Variants in MAPK10 observed in about 807,000 individuals in gnomAD.
MAPK10 encodes the protein JNK3 alpha protein kinase.
MAPK10 carries 25 observed loss-of-function variants against 59.3 expected under a neutral mutation model. The ratio of observed to expected loss-of-function variants is 0.42; its 90% CI spans 0.31 to 0.59. The LOEUF is 0.59. Among genes scored for constraint, MAPK10 ranks in the 20% least tolerant of loss-of-function variants. The pLI, the probability that MAPK10 is intolerant of heterozygous loss-of-function variation, is 0.15. For synonymous variants in MAPK10, 190 were observed against 200.5 expected (o/e 0.95, Z 0.44); for missense variants, 351 against 568.9 (o/e 0.62, Z 3.90).
chr4:86,257,831 C>G lies in MAPK10; in HGVS notation c.-6-63424G>C, dbSNP rs143796616. Among the ~76,000 whole-genome samples the G allele has an allele frequency of 8.6e-3, 1,315 of 152,248 alleles. 12 individuals carry two copies. Among genetic ancestry groups the G allele is most frequent in the Non-Finnish European group, 0.011 (749 of 68,018 alleles). On this transcript the variant is annotated intron_variant, in intron 2 of 13. Coordinates refer to ENST00000641462, the MANE Select transcript of MAPK10 (RefSeq NM_138982.4). ...ATCTCTCCATTTGTTCCCAATTCAT[C>G]AGTCCATTCCTATTTATTCTCTTTT...
At chr4:86,258,870 GTC>G (rs2093870215) in intron 2 of MAPK10, among the ~76,000 whole-genome samples, 1 of 151,930 alleles carries the variant, frequency 6.6e-6, no homozygotes, top group African/African-American at 2.4e-5. Flanking sequence ...TGCACTCCCA[GTC>G]TCTCTTACAT....
intron 2 of MAPK10, among the ~76,000 whole-genome samples, chr4:86,350,144 C>T (rs570450257): frequency 1.1e-4 from 16 of 152,186 alleles, no homozygotes; most frequent in African/African-American, 3.6e-4. Flanking sequence ...CTCTGCCTCC[C>T]AGGTTCAAGC....
At chr4:86,034,570 A>G (rs529606764) in intron 11 of MAPK10, among the ~76,000 whole-genome samples, 1 of 152,364 alleles carries the variant, frequency 6.6e-6, no homozygotes, top group African/African-American at 2.4e-5. Context: ...CACCTAACAC[A>G]TGGCAGACTA....
intron 3 of MAPK10, among the ~76,000 whole-genome samples, chr4:86,175,063 A>C (rs1472328374): frequency 6.6e-6 from 1 of 152,210 alleles, no homozygotes; most frequent in African/African-American, 2.4e-5. Flanking sequence ...ATACGAAATC[A>C]GAAATAATAA....
intron 1 of MAPK10, among the ~76,000 whole-genome samples, chr4:86,476,680 C>T (rs1753119554): frequency 3.3e-5 from 5 of 152,184 alleles, no homozygotes; most frequent in Admixed American, 3.3e-4. Context: ...TAATTAACCT[C>T]ACCTTTAAGG....
chr4:86,559,472 C>T (rs1481832101), intron 1 of MAPK10, among the ~76,000 whole-genome samples: 2 of 152,154 alleles, frequency 1.3e-5, no homozygotes, highest in Non-Finnish European at 2.9e-5. Flanking sequence ...AGCAAATAGT[C>T]TCTCTTTCTC....
chr4:86,373,447 G>T (rs971360320), intron 1 of MAPK10, among the ~76,000 whole-genome samples: 1 of 152,122 alleles, frequency 6.6e-6, no homozygotes, highest in Non-Finnish European at 1.5e-5. Context: ...CACAGCAAAA[G>T]AAGCTATCAT....
chr4:86,479,845 G>A lies in MAPK10; in HGVS notation c.-263+114065C>T, dbSNP rs190187203. 4.3e-4 allele frequency among the ~76,000 whole-genome samples: 66 copies of A among 152,090 alleles called. No homozygotes were observed. In the East Asian group the frequency reaches 8.3e-3, roughly 19 times the overall value. ...TCACCAATAATTCTATAAGACAAAT[G>A]TTTCTTCTAACAACCCCACAATATC... On this transcript the variant is annotated intron_variant, in intron 1 of 4. Transcript: ENST00000502302.
At chr4:86,060,729 T>C (rs1579375035) in intron 11 of MAPK10, among the ~76,000 whole-genome samples, 1 of 152,190 alleles carries the variant, frequency 6.6e-6, no homozygotes, top group Non-Finnish European at 1.5e-5. Context: ...GTCTTTATTT[T>C]GGTTTAAACT....
chr4:86,263,970 G>C (rs1310136886), intron 2 of MAPK10, among the ~76,000 whole-genome samples: 1 of 152,088 alleles, frequency 6.6e-6, no homozygotes, highest in Admixed American at 6.5e-5. Flanking sequence ...ATCTCTCATT[G>C]CTAATTTCTC....
chr4:86,494,783 C>T (rs1369137948), intron 1 of MAPK10, among the ~76,000 whole-genome samples: 1 of 120,998 alleles, frequency 8.3e-6, no homozygotes, highest in Non-Finnish European at 1.6e-5. Context: ...GCGGAGCTTG[C>T]AGTGAGCTGA....
intron 1 of MAPK10, among the ~76,000 whole-genome samples, chr4:86,385,570 G>A (rs1045209454): frequency 6.6e-6 from 1 of 152,028 alleles, no homozygotes; most frequent in African/African-American, 2.4e-5. Flanking sequence ...AATATGAACT[G>A]ATAAAGAATG....
chr4:86,320,127 GA>G (rs2095860895), intron 2 of MAPK10, among the ~76,000 whole-genome samples: 1 of 152,194 alleles, frequency 6.6e-6, no homozygotes, highest in African/African-American at 2.4e-5. Context: ...GTGGCTGTAT[GA>G]CCTTAGACAA....
chr4:86,521,712 G>A (rs991551688), intron 1 of MAPK10, among the ~76,000 whole-genome samples: 1 of 152,154 alleles, frequency 6.6e-6, no homozygotes, highest in African/African-American at 2.4e-5. Context: ...CTTGCCCCAG[G>A]CTACAATCCT....
chr4:86,190,107 A>G (rs2079310204), intron 3 of MAPK10, among the ~76,000 whole-genome samples: 1 of 152,122 alleles, frequency 6.6e-6, no homozygotes, highest in Non-Finnish European at 1.5e-5. Flanking sequence ...CAACTTGGTC[A>G]AGGTAGATAA....
chr4:86,284,050 ATCC>A (rs1288178403), intron 2 of MAPK10, among the ~76,000 whole-genome samples: 6 of 152,170 alleles, frequency 3.9e-5, no homozygotes, highest in East Asian at 3.8e-4. Flanking sequence ...TTGAGCATGA[ATCC>A]TCCTCCTTTC....
At chr4:86,283,937 A>G (rs2094911741) in intron 2 of MAPK10, among the ~76,000 whole-genome samples, 1 of 152,152 alleles carries the variant, frequency 6.6e-6, no homozygotes, top group African/African-American at 2.4e-5. Context: ...AGTCAAATAA[A>G]CCTGAGAATG....
intron 11 of MAPK10, among the ~76,000 whole-genome samples, chr4:86,061,476 C>T (rs1288093292): frequency 6.6e-6 from 1 of 152,126 alleles, no homozygotes; most frequent in African/African-American, 2.4e-5. Flanking sequence ...TTGAGCTTGG[C>T]ATCCAATTTT....
Position 86,588,069 on chromosome 4 carries a change from G to T in MAPK10, c.-263+5841C>A, listed in dbSNP as rs181668227. Among the ~76,000 whole-genome samples, 221 of 152,240 alleles carry T rather than the reference G, an allele frequency of 1.5e-3. 2 individuals are homozygous for T. Among genetic ancestry groups the T allele is most frequent in the African/African-American group, 5.0e-3 (209 of 41,538 alleles). ...GTATGGACATTTTCCCTAGAAAAAA[G>T]CACAATCACACATACCTGGAATACA... is the stretch of plus-strand genomic sequence containing the variant. On this transcript the variant is annotated intron_variant, in intron 1 of 4. Coordinates refer to the MAPK10 transcript ENST00000502302.
Sources: allele counts gnomAD v4.1 joint callset (sites outside exome capture counted in the v4.1 genomes callset), GRCh38; gene constraint gnomAD v4.1.1; transcripts MANE v1.5; gene names NCBI Gene and HGNC (gene_info 2026-07-23, HGNC 2026-07-21).